The following PSD3 variants were observed in gnomAD, a reference collection of about 807,000 sequenced individuals.
The protein encoded by PSD3 is PH and SEC7 domain-containing protein 3.
A neutral mutation model predicts 105.5 loss-of-function variants in PSD3; 49 were observed. That is an observed-to-expected ratio of 0.46 (90% CI 0.37 to 0.59). PSD3 has a LOEUF of 0.59. PSD3 is among the 20% of genes least tolerant of loss of function. The probability of loss-of-function intolerance (pLI) is 0.00; values close to 1 mark genes in which losing one functional copy is unlikely to be tolerated. For missense variants in PSD3, 1,561 were observed against 1,263.8 expected (o/e 1.24, Z -3.57); for synonymous variants, 557 against 457.8 (o/e 1.22, Z -2.77).
chr8:18,964,487 C>G lies in PSD3; in HGVS notation c.22-28345G>C, dbSNP rs539128285. 1.4e-4 allele frequency among the ~76,000 whole-genome samples: 21 copies of G among 152,038 alleles called. No individual in the cohort carries two copies. In the South Asian group the frequency reaches 3.9e-3, roughly 29 times the overall value. On this transcript the variant is annotated intron_variant, in intron 1 of 15. Coordinates refer to ENST00000327040, the MANE Select transcript of PSD3 (RefSeq NM_015310.4). ...GACTTTTTTTTGCACAAAACTAATGCTTTACTCCTTAAAACCTGGAGCATT... is the reference window on the plus strand; with the variant it reads ...GACTTTTTTTTGCACAAAACTAATGGTTTACTCCTTAAAACCTGGAGCATT...
chr8:18,821,802 A>C (rs1461475206), intron 4 of PSD3, among the ~76,000 whole-genome samples: 2 of 126,202 alleles, frequency 1.6e-5, no homozygotes, highest in Non-Finnish European at 3.4e-5. Flanking sequence ...TTAAGTCATA[A>C]TTTAGCCTCT....
At chr8:18,913,192 T>C (rs1487972574) in intron 2 of PSD3, among the ~76,000 whole-genome samples, 1 of 152,050 alleles carries the variant, frequency 6.6e-6, no homozygotes, top group African/African-American at 2.4e-5. Context: ...TTTATTGGAC[T>C]GGACTCATCC....
chr8:18,866,386 G>A (rs1816934789), intron 4 of PSD3, among the ~76,000 whole-genome samples: 1 of 152,126 alleles, frequency 6.6e-6, no homozygotes, highest in African/African-American at 2.4e-5. Flanking sequence ...ACTTACCCAG[G>A]CTCTGCTTTG....
intron 1 of PSD3, among the ~76,000 whole-genome samples, chr8:19,074,592 C>CATATAT (rs1240382273): frequency 0.02 from 1,318 of 65,770 alleles, 26 homozygotes; most frequent in Middle Eastern, 0.025. Context: ...CAGATATATA[C>CATATAT]ATATATATAT....
chr8:18,805,635 G>A (rs183429686), intron 4 of PSD3, among the ~76,000 whole-genome samples: 6 of 152,082 alleles, frequency 3.9e-5, no homozygotes, highest in Middle Eastern at 3.4e-3. Context: ...ACTTTGAATG[G>A]ATCTTTTAAC....
chr8:18,696,840 T>G (rs1801286469), intron 9 of PSD3, among the ~76,000 whole-genome samples: 1 of 152,206 alleles, frequency 6.6e-6, no homozygotes, highest in Non-Finnish European at 1.5e-5. Context: ...AAAAGCCACA[T>G]AATAACTTAA....
chr8:19,000,424 C>A (rs1170197389), intron 1 of PSD3, among the ~76,000 whole-genome samples: 4 of 148,566 alleles, frequency 2.7e-5, no homozygotes, highest in Non-Finnish European at 6.0e-5. Flanking sequence ...AGAAAAAAAA[C>A]CTGATACAAT....
At chr8:19,059,675 G>A (rs1250879098) in intron 1 of PSD3, among the ~76,000 whole-genome samples, 1 of 152,228 alleles carries the variant, frequency 6.6e-6, no homozygotes, top group Non-Finnish European at 1.5e-5. Flanking sequence ...GTAAAGCACT[G>A]AGTTGAGACC....
intron 9 of PSD3, among the ~76,000 whole-genome samples, chr8:18,683,595 T>C (rs1443119477): frequency 1.3e-5 from 2 of 152,228 alleles, no homozygotes; most frequent in East Asian, 3.8e-4. Context: ...ACAGCATCTT[T>C]GTATCTGGAG....
At chr8:18,790,123 G>C (rs1809561099) in intron 8 of PSD3, among the ~76,000 whole-genome samples, 1 of 151,928 alleles carries the variant, frequency 6.6e-6, no homozygotes, top group African/African-American at 2.4e-5. Flanking sequence ...AGGAAAGAAG[G>C]CTTTCATTCT....
chr8:18,650,656 G>A (rs1307270303), intron 10 of PSD3, among the ~76,000 whole-genome samples: 7 of 152,148 alleles, frequency 4.6e-5, no homozygotes, highest in Admixed American at 3.9e-4. Flanking sequence ...TGTATCTAGG[G>A]CACAGCACTG....
At chr8:18,573,247 A>G (rs1338787783) in intron 13 of PSD3, among the ~76,000 whole-genome samples, 3 of 152,188 alleles carry the variant, frequency 2.0e-5, no homozygotes, top group Non-Finnish European at 4.4e-5. Flanking sequence ...AGGTGGGCAG[A>G]TCACGTGAGG....
chr8:18,660,928 A>G (rs7826249), intron 9 of PSD3, among the ~76,000 whole-genome samples: 15,390 of 152,218 alleles, frequency 0.1, 1,285 homozygotes, highest in East Asian at 0.47. Context: ...ACAGAGGTAA[A>G]CATATTCTGG....
At chr8:18,716,477 A>G (rs1483904585) in intron 9 of PSD3, among the ~76,000 whole-genome samples, 1 of 152,186 alleles carries the variant, frequency 6.6e-6, no homozygotes, top group East Asian at 1.9e-4. Context: ...AAAGGCTGAG[A>G]GTGGGAATGA....
chr8:18,614,038 A>T (rs1805470765), intron 11 of PSD3, among the ~76,000 whole-genome samples: 1 of 152,210 alleles, frequency 6.6e-6, no homozygotes, highest in Non-Finnish European at 1.5e-5. Context: ...TGTCTCCTGA[A>T]TTATAATTCC....
chr8:18,750,191 G>T (rs1406446008), intron 9 of PSD3, among the ~76,000 whole-genome samples: 1 of 152,170 alleles, frequency 6.6e-6, no homozygotes, highest in Non-Finnish European at 1.5e-5. Context: ...GTCCGGAATT[G>T]GTGGGTTCTT....
intron 1 of PSD3, among the ~76,000 whole-genome samples, chr8:19,077,218 C>A (rs57567396): frequency 0.074 from 11,275 of 152,192 alleles, 792 homozygotes; most frequent in African/African-American, 0.18. Flanking sequence ...AGCAGCCAAG[C>A]TCCTTGCAGA....
intron 8 of PSD3, among the ~76,000 whole-genome samples, chr8:18,789,119 T>C (rs1809462315): frequency 6.6e-6 from 1 of 152,076 alleles, no homozygotes; most frequent in Non-Finnish European, 1.5e-5. Context: ...ATCAGAGTGG[T>C]AAAAAGAAAA....
At chr8:18,536,529 T>C (rs1029648939) in intron 15 of PSD3, among the ~76,000 whole-genome samples, 3 of 152,224 alleles carry the variant, frequency 2.0e-5, no homozygotes, top group Admixed American at 6.5e-5. Flanking sequence ...TTTCCCTCCG[T>C]TGCTTTTCTG....
Sources: allele counts gnomAD v4.1 joint callset (sites outside exome capture counted in the v4.1 genomes callset), GRCh38; gene constraint gnomAD v4.1.1; transcripts MANE v1.5; gene names NCBI Gene and HGNC (gene_info 2026-07-23, HGNC 2026-07-21).